ALKBH1: variants seen among roughly 807,000 people sequenced by gnomAD.
The protein encoded by ALKBH1 is nucleic acid dioxygenase ALKBH1.
ALKBH1 carries 31 observed loss-of-function variants against 36.6 expected under a neutral mutation model. That is an observed-to-expected ratio of 0.85 (90% CI 0.64 to 1.14). The LOEUF is 1.14. Among genes scored for constraint, ALKBH1 ranks in the 50% most tolerant of loss-of-function variants. ALKBH1 has a pLI of 0.00. For missense variants in ALKBH1, 490 were observed against 497.3 expected (o/e 0.99, Z 0.14); for synonymous variants, 183 against 186.6 (o/e 0.98, Z 0.16).
At chr14:77,693,598 C>G (rs2080310372) in intron 3 of ALKBH1, among the ~76,000 whole-genome samples, 1 of 152,202 alleles carries the variant, frequency 6.6e-6, no homozygotes, top group African/African-American at 2.4e-5. Context: ...TTTCTCTACT[C>G]AGTAGAGACT....
At chr14:77,688,802 C>G (rs1054187641) in intron 3 of ALKBH1, among the ~76,000 whole-genome samples, 1 of 151,830 alleles carries the variant, frequency 6.6e-6, no homozygotes, top group Non-Finnish European at 1.5e-5. Context: ...GAACTCCCGA[C>G]CTCAGGTGAT....
chr14:77,686,664 G>A (rs867144709), intron 3 of ALKBH1, among the ~76,000 whole-genome samples: 6 of 152,090 alleles, frequency 3.9e-5, no homozygotes, highest in African/African-American at 7.2e-5. Flanking sequence ...TCGTTTTGTC[G>A]CCAGGCTGGA....
At chr14:77,678,155 G>A (rs1004517655) in intron 4 of ALKBH1, among the ~76,000 whole-genome samples, 6 of 139,784 alleles carry the variant, frequency 4.3e-5, no homozygotes, top group Non-Finnish European at 9.1e-5. Flanking sequence ...AGAATAGCCA[G>A]ACACCATTGA....
chr14:77,680,677 C>CTCTTTTTTTTTTT (rs774703181), intron 3 of ALKBH1, among the ~76,000 whole-genome samples: 10 of 124,334 alleles, frequency 8.0e-5, no homozygotes, highest in South Asian at 2.6e-4. Context: ...ATTAACTACT[C>CTCTTTTTTTTTTT]TTTTTTTTTT....
At chr14:77,693,942 G>A (rs1433652401) in intron 3 of ALKBH1, among the ~76,000 whole-genome samples, 12 of 152,036 alleles carry the variant, frequency 7.9e-5, no homozygotes, top group African/African-American at 1.9e-4. Context: ...AGCTGAGATC[G>A]CGCCACTGCA....
intron 2 of ALKBH1, among the ~76,000 whole-genome samples, chr14:77,696,281 C>T (rs942699985): frequency 6.6e-6 from 1 of 152,076 alleles, no homozygotes; most frequent in Admixed American, 6.5e-5. Flanking sequence ...CTCTGCCTCC[C>T]GGGTTCAAGT....
intron 2 of ALKBH1, among the ~76,000 whole-genome samples, chr14:77,698,569 T>G (rs1425577940): frequency 4.6e-5 from 7 of 152,310 alleles, no homozygotes; most frequent in Admixed American, 3.9e-4. Flanking sequence ...AGTGTAATGT[T>G]CCCCTTGCAA....
At chr14:77,692,553 G>C (rs2080303157) in intron 3 of ALKBH1, among the ~76,000 whole-genome samples, 1 of 152,174 alleles carries the variant, frequency 6.6e-6, no homozygotes, top group African/African-American at 2.4e-5. Flanking sequence ...CTGACAGGGG[G>C]CGAAGCTCAG....
rs943518290 is a variant in ALKBH1 at position 77,673,558 on chromosome 14, A to G, written c.*254T>C. 1.3e-5 allele frequency: 6 copies of G among 465,144 alleles called. No homozygotes were observed. The highest frequency in any genetic ancestry group is 1.9e-5 in the African/African-American group (1 of 51,498). 28.8% of individuals were successfully genotyped at this position (465,144 alleles called of 1,614,324 possible). A position where few individuals can be genotyped will look rare whatever the true frequency, so the allele number is the denominator to read the frequency against. ...TGAGAAGGCTGTTGTGGAAGAACAT[A>G]CCTCCTTGGACTGACTTCTCAACAT... On this transcript the variant is annotated 3_prime_UTR_variant, in exon 6 of 6. Coordinates refer to ENST00000216489, the MANE Select transcript of ALKBH1 (RefSeq NM_006020.3).
intron 2 of ALKBH1, among the ~76,000 whole-genome samples, chr14:77,700,056 A>T (rs183288788): frequency 6.6e-5 from 10 of 152,096 alleles, no homozygotes; most frequent in African/African-American, 9.6e-5. Context: ...TCTGTCTCAA[A>T]AAATAAATAA....
chr14:77,693,170 C>T lies in ALKBH1; in HGVS notation c.455+1568G>A, dbSNP rs1449494779. ...GCAGTGGGCCAAGATCATGCCATTG[C>T]ACTCCAGCCTGGGCAACAAGAGCGA... is the stretch of plus-strand genomic sequence containing the variant. On this transcript the variant is annotated intron_variant, in intron 3 of 5. Transcript: ENST00000216489. Among the ~76,000 whole-genome samples the T allele has an allele frequency of 2.7e-5, 4 of 149,576 alleles. No homozygotes were observed. The East Asian group carries it at 5.9e-4, about 22-fold the overall frequency.
chr14:77,685,137 C>T (rs1566813575), intron 3 of ALKBH1, among the ~76,000 whole-genome samples: 1 of 152,138 alleles, frequency 6.6e-6, no homozygotes, highest in Non-Finnish European at 1.5e-5. Context: ...AGTTCCTTTC[C>T]TAAGAAGCCA....
At chr14:77,696,644 C>G (rs2080328779) in intron 2 of ALKBH1, 1 of 152,416 alleles carries the variant, frequency 6.6e-6, no homozygotes, top group Non-Finnish European at 1.5e-5. Context: ...TGCGAGGGAG[C>G]TACCTGTGTA....
At chr14:77,704,047 A>G (rs1265104075) in intron 2 of ALKBH1, among the ~76,000 whole-genome samples, 1 of 152,230 alleles carries the variant, frequency 6.6e-6, no homozygotes, top group African/African-American at 2.4e-5. Context: ...TACAATGATA[A>G]TGATAAATTA....
intron 2 of ALKBH1, chr14:77,697,210 C>T (rs1184372774): frequency 1.9e-5 from 3 of 158,576 alleles, no homozygotes; most frequent in African/African-American, 4.8e-5. Context: ...AGCAGCATTA[C>T]CCTTCCTGCA....
At chr14:77,680,066 T>C (rs2080228574) in intron 3 of ALKBH1, 96 bp from the exon 4 acceptor site, 1 of 886,688 alleles carries the variant, frequency 1.1e-6, no homozygotes. Flanking sequence ...TATTACATGG[T>C]ATAAGCCGTT....
chr14:77,695,022 C>T (rs148143323), intron 2 of ALKBH1, 122 bp from the exon 3 acceptor site: 12 of 805,610 alleles, frequency 1.5e-5, no homozygotes, highest in Admixed American at 8.2e-5. Context: ...TTTGGTCATG[C>T]TTCAAGTTAA....
chr14:77,694,948 T>G, intron 2 of ALKBH1, 48 bp from the exon 3 acceptor site: 1 of 1,389,962 alleles, frequency 7.2e-7, no homozygotes, highest in Non-Finnish European at 9.5e-7. Flanking sequence ...AAATTCTCCA[T>G]CAGTTATTCA....
At chr14:77,692,110 A>G (rs1227168037) in intron 3 of ALKBH1, 2 of 152,226 alleles carry the variant, frequency 1.3e-5, no homozygotes, top group Non-Finnish European at 2.9e-5. Context: ...GCCACGTAAC[A>G]CCAAACGGGA....
Sources: allele counts gnomAD v4.1 joint callset (sites outside exome capture counted in the v4.1 genomes callset), GRCh38; gene constraint gnomAD v4.1.1; transcripts MANE v1.5; gene names NCBI Gene and HGNC (gene_info 2026-07-23, HGNC 2026-07-21).